The following DNAH7 variants were observed in gnomAD, a reference collection of about 807,000 sequenced individuals.
The protein encoded by DNAH7 is dynein axonemal heavy chain 7, also known as axonemal beta dynein heavy chain 7.
A neutral mutation model predicts 444.6 loss-of-function variants in DNAH7; 397 were observed. That is an observed-to-expected ratio of 0.89 (90% CI 0.82 to 0.97). The LOEUF (loss-of-function observed/expected upper bound fraction) is 0.97, where lower values mean the gene tolerates loss of function less well. DNAH7 is among the 50% of genes least tolerant of loss of function. The pLI, the probability that DNAH7 is intolerant of heterozygous loss-of-function variation, is 0.00. For synonymous variants in DNAH7, 1,636 were observed against 1,624.4 expected, an observed-to-expected ratio of 1.01 and a Z score of -0.17; for missense variants, 4,902 against 4,800.8, an observed-to-expected ratio of 1.02 and a Z score of -0.62.
chr2:195,763,447 A>G (rs1227850325), intron 61 of DNAH7, among the ~76,000 whole-genome samples: 5 of 152,060 alleles, frequency 3.3e-5, no homozygotes, highest in Non-Finnish European at 5.9e-5. Context: ...AGTTGATTTT[A>G]TGAAAAGATA....
intron 24 of DNAH7, 94 bp from the exon 25 acceptor site, chr2:195,910,289 A>G: frequency 1.0e-6 from 1 of 987,416 alleles, no homozygotes; most frequent in Admixed American, 3.2e-5. Flanking sequence ...TGAGAACCAA[A>G]CCTCCAGCTT....
At chr2:195,806,979 A>AAAAT in intron 53 of DNAH7, 147 bp from the exon 54 acceptor site, 1 of 564,254 alleles carries the variant, frequency 1.8e-6, no homozygotes, top group Non-Finnish European at 3.0e-6. Context: ...GGGACATTAT[A>AAAAT]AAATAAATAA....
Position 195,809,827 on chromosome 2 carries a change from T to C in DNAH7, c.9806A>G (p.Asn3269Ser). 1.3e-6 allele frequency: 2 copies of C among 1,595,628 alleles called. No homozygotes were observed. Among genetic ancestry groups the C allele is most frequent in the Non-Finnish European group, 1.7e-6 (2 of 1,170,270 alleles). ...CTTTTCAAAGAGTGACCGGCAGACA[T>C]TAACATACAGTGAATAAGTAAAGTG... is the stretch of plus-strand genomic sequence containing the variant. ...KDHFTYSLYV[N>S]VCRSLFEKDK... The change falls in exon 52 of 65, where the codon AAT (asparagine) becomes AGT (serine). Residue 3269 changes from asparagine to serine, a missense_variant. By Grantham distance (46) the Asn-to-Ser change is conservative (BLOSUM62 1). Transcript: ENST00000312428.
chr2:195,951,197 A>G (rs1457455292), intron 19 of DNAH7, among the ~76,000 whole-genome samples: 1 of 152,142 alleles, frequency 6.6e-6, no homozygotes, highest in Non-Finnish European at 1.5e-5. Context: ...TTAGTTATTT[A>G]CCCAGTAGTC....
intron 48 of DNAH7, chr2:195,824,813 A>C (rs184375737): frequency 6.4e-6 from 1 of 156,902 alleles, no homozygotes; most frequent in East Asian, 1.8e-4. Flanking sequence ...TTAAATTGTT[A>C]CCGTATTTTT....
intron 27 of DNAH7, chr2:195,905,389 A>G (rs1686950513): frequency 6.6e-6 from 1 of 152,194 alleles, no homozygotes; most frequent in African/African-American, 2.4e-5. Context: ...GCCTTCCTTC[A>G]CTAAAGCAAA....
At chr2:196,030,251 C>T (rs185215132) in intron 5 of DNAH7, among the ~76,000 whole-genome samples, 14 of 152,304 alleles carry the variant, frequency 9.2e-5, no homozygotes, top group Non-Finnish European at 1.9e-4. Context: ...CCTTATCAAA[C>T]CATCAGATCC....
chr2:195,934,124 G>A (rs1010172121), intron 21 of DNAH7, among the ~76,000 whole-genome samples: 4 of 152,050 alleles, frequency 2.6e-5, no homozygotes, highest in African/African-American at 9.7e-5. Context: ...TTCATGAAAT[G>A]TGGAAAATAT....
chr2:195,770,338 A>G (rs891380878), intron 61 of DNAH7, among the ~76,000 whole-genome samples: 1 of 152,176 alleles, frequency 6.6e-6, no homozygotes, highest in Non-Finnish European at 1.5e-5. Context: ...CTTTATATTT[A>G]TACTTTAAAA....
intron 19 of DNAH7, among the ~76,000 whole-genome samples, chr2:195,953,018 GT>G (rs1690374640): frequency 1.3e-5 from 2 of 152,096 alleles, no homozygotes; most frequent in South Asian, 4.1e-4. Flanking sequence ...AGGCATTCTG[GT>G]TTTTGTAATT....
Position 195,888,391 on chromosome 2 carries a change from C to G in DNAH7, c.5273G>C (p.Gly1758Ala), listed in dbSNP as rs534957039. 4.4e-6 allele frequency: 7 copies of G among 1,603,138 alleles called. No homozygotes were observed. The South Asian group carries it at 5.7e-5, about 13-fold the overall frequency. Reference sequence around the variant, plus strand: ...CCAGGACAACATCAGTGGTCTCCAGCCTAACATGTGAGGCTCCATGTAAAT... The same window carrying G: ...CCAGGACAACATCAGTGGTCTCCAGGCTAACATGTGAGGCTCCATGTAAAT... ...GMIYMEPHMLGWRPLMLSWVN... is the reference protein window; with the variant it reads ...GMIYMEPHMLAWRPLMLSWVN... Residue 1758 changes from glycine to alanine, a missense_variant, in exon 33 of 65, where the codon GGC becomes GCC. Transcript: ENST00000312428.
intron 8 of DNAH7, among the ~76,000 whole-genome samples, chr2:196,023,649 T>C (rs778415775): frequency 6.6e-6 from 1 of 152,198 alleles, no homozygotes; most frequent in Non-Finnish European, 1.5e-5. Context: ...ACTTCCTCCA[T>C]ATCAGCAATA....
intron 5 of DNAH7, among the ~76,000 whole-genome samples, chr2:196,038,854 C>T (rs988452727): frequency 6.6e-6 from 1 of 152,222 alleles, no homozygotes; most frequent in East Asian, 1.9e-4. Flanking sequence ...TATATACCCA[C>T]TCAATACTGG....
chr2:195,984,029 G>C (rs1289959577), intron 15 of DNAH7, among the ~76,000 whole-genome samples: 1 of 152,124 alleles, frequency 6.6e-6, no homozygotes, highest in Non-Finnish European at 1.5e-5. Context: ...CTCTCAATCA[G>C]ACTTGTTTTG....
At position 195,845,125 on chromosome 2, in the gene DNAH7, T is replaced by C; in HGVS notation, c.8822A>G (p.Asp2941Gly). ...KEWTTLCKGR[D>G]IPCSDDCSLM... is the part of the protein sequence containing the mutation. The stretch of plus-strand genomic sequence containing the variant: ...AGAGCAATCATCTGAGCAGGGGATA[T>C]CTCTTCCTTTGCACAAAGTTGTCCA... Residue 2941 changes from aspartate to glycine, a missense_variant, in exon 47 of 65, where the codon GAT becomes GGT. Coordinates refer to ENST00000312428, the MANE Select transcript of DNAH7 (RefSeq NM_018897.3). 6.2e-7 allele frequency: 1 copy of C among 1,613,214 alleles called. No individual in the cohort carries two copies. The highest frequency in any genetic ancestry group is 8.5e-7 in the Non-Finnish European group (1 of 1,179,700).
intron 59 of DNAH7, 83 bp downstream of exon 59, chr2:195,777,717 A>C (rs1320420935): frequency 7.0e-7 from 1 of 1,424,596 alleles, no homozygotes; most frequent in Non-Finnish European, 9.6e-7. Context: ...GGCCTGCAGC[A>C]AAATCACCAT....
At chr2:195,790,713 T>C (rs182318634) in intron 57 of DNAH7, among the ~76,000 whole-genome samples, 1 of 152,140 alleles carries the variant, frequency 6.6e-6, no homozygotes, top group Non-Finnish European at 1.5e-5. Context: ...AAGACTTCAA[T>C]GTAAAAACTC....
At chr2:195,789,655 A>G (rs978286612) in intron 57 of DNAH7, among the ~76,000 whole-genome samples, 21 of 152,140 alleles carry the variant, frequency 1.4e-4, no homozygotes, top group African/African-American at 4.6e-4. Flanking sequence ...AGTATCATCA[A>G]TGAGGGACAA....
At chr2:196,056,347 A>G (rs1697803715) in intron 2 of DNAH7, among the ~76,000 whole-genome samples, 5 of 151,162 alleles carry the variant, frequency 3.3e-5, no homozygotes, top group Admixed American at 3.3e-4. Context: ...CAGGAGGCTG[A>G]GACAGGAGAA....
Sources: gnomAD v4.1 joint callset for allele counts (sites outside exome capture counted in the v4.1 genomes callset) on GRCh38, gnomAD v4.1.1 for gene constraint, MANE v1.5 for transcripts, NCBI Gene and HGNC (gene_info 2026-07-23, HGNC 2026-07-21) for gene names.